ZNF713: variants seen among roughly 807,000 people sequenced by gnomAD.
ZNF713 encodes the protein zinc finger protein 713.
Under a neutral mutation model 28.7 loss-of-function variants are expected in ZNF713, and 21 were observed. The observed-to-expected ratio is 0.73, with a 90% CI of 0.52 to 1.05. ZNF713 has a LOEUF of 1.05. ZNF713 is among the 50% of genes least tolerant of loss of function. The probability of loss-of-function intolerance (pLI) is 0.00; values close to 1 mark genes in which losing one functional copy is unlikely to be tolerated. For synonymous variants in ZNF713, 167 were observed against 178.0 expected (o/e 0.94, Z 0.49); for missense variants, 458 against 532.4 (o/e 0.86, Z 1.37).
intron 6 of ZNF713, among the ~76,000 whole-genome samples, chr7:55,925,500 A>G (rs1786080944): frequency 6.6e-6 from 1 of 152,182 alleles, no homozygotes; most frequent in African/African-American, 2.4e-5. Context: ...GTGCGCCTGT[A>G]GTCCTAGCTA....
chr7:55,888,056 ACT>A (rs1194736717), intron 1 of ZNF713, among the ~76,000 whole-genome samples: 10 of 151,932 alleles, frequency 6.6e-5, no homozygotes, highest in African/African-American at 1.4e-4. Context: ...TCTGGGAATG[ACT>A]CTGAGGCTGA....
Position 55,941,766 on chromosome 7 carries a change from TC to T in ZNF713, c.*1766del, listed in dbSNP as rs1365335169. Reference sequence around the variant, plus strand: ...TTGAAATTAAAAATATTCGTTGATGTCCCCCCAAAAATCTTGTGTGCCGTTG... The same window carrying T: ...TTGAAATTAAAAATATTCGTTGATGTCCCCCAAAAATCTTGTGTGCCGTTG... On this transcript the variant is annotated 3_prime_UTR_variant, in exon 7 of 7. Transcript: ENST00000429591. 6.6e-6 allele frequency: 1 copy of T among 152,032 alleles called. No individual in the cohort carries two copies. Among genetic ancestry groups the T allele is most frequent in the Non-Finnish European group, 1.5e-5 (1 of 68,012 alleles). 9.4% of individuals were successfully genotyped at this position (152,032 alleles called of 1,614,324 possible). A position where few individuals can be genotyped will look rare whatever the true frequency, so the allele number is the denominator to read the frequency against.
intron 2 of ZNF713, among the ~76,000 whole-genome samples, chr7:55,909,711 C>A (rs1350824150): frequency 6.6e-6 from 1 of 152,066 alleles, no homozygotes; most frequent in Admixed American, 6.6e-5. Context: ...TCTACCATTT[C>A]TTTCATCAGT....
rs1584295471 is a variant in ZNF713, at chr7:55,895,207, C to T, written c.-583+7527C>T. Among the ~76,000 whole-genome samples, 3 of 152,060 alleles carry T rather than the reference C, an allele frequency of 2.0e-5. No homozygotes were observed. The East Asian group carries it at 5.8e-4, about 29-fold the overall frequency. On this transcript the variant is annotated intron_variant, in intron 1 of 6. Transcript: ENST00000429591. ...AAAGTGAGAGCTGATGGTGGCTGAA[C>T]CAATGTACTAGACATGAAGATGAAG...
intron 1 of ZNF713, among the ~76,000 whole-genome samples, chr7:55,896,112 T>C (rs923204359): frequency 3.3e-5 from 5 of 152,160 alleles, no homozygotes; most frequent in African/African-American, 1.2e-4. Flanking sequence ...TATGTTTTTC[T>C]GTAGCTCAGA....
chr7:55,919,538 C>T (rs1225436535), intron 4 of ZNF713, among the ~76,000 whole-genome samples: 1 of 63,772 alleles, frequency 1.6e-5, no homozygotes, highest in Non-Finnish European at 3.5e-5. Context: ...TGAAGTCTTG[C>T]TCTGTTGCCT....
At chr7:55,888,874 C>T (rs1210779616) in intron 1 of ZNF713, among the ~76,000 whole-genome samples, 1 of 151,708 alleles carries the variant, frequency 6.6e-6, no homozygotes, top group African/African-American at 2.4e-5. Context: ...ATGGCAAGAC[C>T]CTGTTGCTAC....
intron 5 of ZNF713, 159 bp downstream of exon 5, chr7:55,923,447 T>G: frequency 8.9e-7 from 1 of 1,129,718 alleles, no homozygotes; most frequent in Non-Finnish European, 1.3e-6. Flanking sequence ...CTCTTTCTCC[T>G]CCAATGGAAT....
At position 55,931,009 on chromosome 7, in the gene ZNF713, C is replaced by G. The variant is rs568207608; in HGVS notation, c.307+7310C>G. Among the ~76,000 whole-genome samples the G allele has an allele frequency of 5.3e-5, 8 of 152,188 alleles. No individual in the cohort carries two copies. The South Asian group carries it at 1.7e-3, about 32-fold the overall frequency. ...TAATCTATAAAATTGAAATTGAGGC[C>G]TAGCGCAGTGGTGCATGCTTGTAAT... is the stretch of plus-strand genomic sequence containing the variant. On this transcript the variant is annotated intron_variant, in intron 6 of 6. Transcript: ENST00000429591.
At chr7:55,934,651 C>A (rs891058514) in intron 6 of ZNF713, among the ~76,000 whole-genome samples, 4 of 152,032 alleles carry the variant, frequency 2.6e-5, no homozygotes, top group African/African-American at 9.7e-5. Flanking sequence ...ATGGCAAGCA[C>A]ATGCCACCAC....
Position 55,939,992 on chromosome 7 carries a change from T to C in ZNF713, c.1318T>C (p.Phe440Leu), listed in dbSNP as rs781721850. 3 of 1,585,444 alleles carry C rather than the reference T, an allele frequency of 1.9e-6. No individual in the cohort carries two copies. The highest frequency in any genetic ancestry group is 2.3e-5 in the South Asian group (2 of 86,692). Residue 440 changes from phenylalanine (F) to leucine (L), a missense_variant, in exon 7 of 7, where the codon TTT becomes CTT. Phe to Leu is a conservative substitution (Grantham distance 22). Coordinates refer to ENST00000429591, the MANE Select transcript of ZNF713 (RefSeq NM_182633.3). Reference protein sequence around the residue: ...CEQTVRHSPSFSST With the variant: ...CEQTVRHSPSLSST Reference sequence around the variant, plus strand: ...GCAAACTGTTCGCCACAGTCCTTCATTTAGCAGCACATAACTTATGGTGGG... The same window carrying C: ...GCAAACTGTTCGCCACAGTCCTTCACTTAGCAGCACATAACTTATGGTGGG...
rs1196394138 is a variant in ZNF713, at chr7:55,939,404, TTCAA to T, written c.735_738del (p.Gln246IlefsTer87). Reference sequence around the variant, plus strand: ...TGAATATAGTGAGTGTGGAAAAATCTTCAATCAACATATTCTTCTTACTGATCAT... The same window carrying T: ...TGAATATAGTGAGTGTGGAAAAATCTTCAACATATTCTTCTTACTGATCAT... On this transcript the variant is annotated frameshift_variant, in exon 7 of 7. Transcript: ENST00000429591. LOFTEE classifies it high-confidence loss of function. 3 of 1,613,870 alleles carry T rather than the reference TTCAA, an allele frequency of 1.9e-6. No homozygotes were observed. The highest frequency in any genetic ancestry group is 2.5e-6 in the Non-Finnish European group (3 of 1,180,018).
intron 1 of ZNF713, among the ~76,000 whole-genome samples, chr7:55,889,059 A>G (rs1186039725): frequency 6.6e-6 from 1 of 151,688 alleles, no homozygotes; most frequent in Non-Finnish European, 1.5e-5. Flanking sequence ...AATAAAATAA[A>G]TGTTTTAAGC....
At chr7:55,937,312 A>G (rs1786372907) in intron 6 of ZNF713, among the ~76,000 whole-genome samples, 1 of 151,798 alleles carries the variant, frequency 6.6e-6, no homozygotes, top group Non-Finnish European at 1.5e-5. Flanking sequence ...GATAAAATTA[A>G]AATTAAAATT....
Position 55,939,201 on chromosome 7 carries a change from A to G in ZNF713, c.527A>G (p.Gln176Arg). 1 of 1,614,174 alleles carries G rather than the reference A, an allele frequency of 6.2e-7. No individual in the cohort carries two copies. The highest frequency in any genetic ancestry group is 8.5e-7 in the Non-Finnish European group (1 of 1,180,026). Reference sequence around the variant, plus strand: ...ACTTTGACCCACAAAAAGATCACACAGGAGAGAAGCCTTGAGTGTAATAAA... The same window carrying G: ...ACTTTGACCCACAAAAAGATCACACGGGAGAGAAGCCTTGAGTGTAATAAA... Reference protein sequence around the residue: ...QVTLTHKKITQERSLECNKFA... With the variant: ...QVTLTHKKITRERSLECNKFA... Residue 176 changes from glutamine (Q) to arginine (R), a missense_variant, in exon 7 of 7, where the codon CAG (glutamine) becomes CGG (arginine). Transcript: ENST00000429591.
chr7:55,913,353 C>G (rs962161578), intron 4 of ZNF713, among the ~76,000 whole-genome samples: 2 of 151,960 alleles, frequency 1.3e-5, no homozygotes, highest in African/African-American at 4.8e-5. Flanking sequence ...AGGTGCCCAC[C>G]ACCACGCCCG....
intron 1 of ZNF713, among the ~76,000 whole-genome samples, chr7:55,897,971 G>A (rs1458047110): frequency 6.6e-6 from 1 of 152,170 alleles, no homozygotes; most frequent in African/African-American, 2.4e-5. Flanking sequence ...CTTCAGGATG[G>A]AGGCTAGTGG....
At chr7:55,914,498 G>C (rs1328392624) in intron 4 of ZNF713, among the ~76,000 whole-genome samples, 1 of 152,132 alleles carries the variant, frequency 6.6e-6, no homozygotes, top group Non-Finnish European at 1.5e-5. Context: ...CACAGCGTGG[G>C]GGGCTTGTTA....
At chr7:55,927,092 A>G (rs1786110877) in intron 6 of ZNF713, among the ~76,000 whole-genome samples, 1 of 151,376 alleles carries the variant, frequency 6.6e-6, no homozygotes, top group African/African-American at 2.5e-5. Flanking sequence ...CAGTGAGCCA[A>G]GACTGCACCA....
Sources: gnomAD v4.1 joint callset for allele counts (sites outside exome capture counted in the v4.1 genomes callset) on GRCh38, gnomAD v4.1.1 for gene constraint, MANE v1.5 for transcripts, NCBI Gene and HGNC (gene_info 2026-07-23, HGNC 2026-07-21) for gene names.